The following SOX6 variants were observed in gnomAD, a reference collection of about 807,000 sequenced individuals.
SOX6 encodes the protein transcription factor SOX-6.
In SOX6, 11 loss-of-function variants were observed where a neutral mutation model predicts 97.8. The observed-to-expected ratio is 0.11, with a 90% CI of 0.07 to 0.19. The LOEUF is 0.19. Among genes scored for constraint, SOX6 ranks in the 10% least tolerant of loss-of-function variants. The pLI, the probability that SOX6 is intolerant of heterozygous loss-of-function variation, is 1.00. For synonymous variants in SOX6, 360 were observed against 371.4 expected, an observed-to-expected ratio of 0.97 and a Z score of 0.35; for missense variants, 810 against 1,039.5, an observed-to-expected ratio of 0.78 and a Z score of 3.04.
chr11:16,725,195 T>C (rs545817278), intron 2 of SOX6, among the ~76,000 whole-genome samples: 1 of 152,364 alleles, frequency 6.6e-6, no homozygotes, highest in Non-Finnish European at 1.5e-5. Flanking sequence ...AGGAATGAAG[T>C]ACTGATACAT....
intron 3 of SOX6, among the ~76,000 whole-genome samples, chr11:16,680,168 A>G (rs1309396419): frequency 6.6e-6 from 1 of 152,236 alleles, no homozygotes; most frequent in African/African-American, 2.4e-5. Flanking sequence ...CAGATTCACC[A>G]AGGTTGAAAT....
intron 4 of SOX6, among the ~76,000 whole-genome samples, chr11:16,536,331 C>T (rs546588590): frequency 4.6e-5 from 7 of 152,200 alleles, no homozygotes; most frequent in East Asian, 3.9e-4. Flanking sequence ...AAATCAAGGT[C>T]GCTTCCAAGA....
intron 3 of SOX6, among the ~76,000 whole-genome samples, chr11:16,699,849 T>A (rs900790433): frequency 6.6e-6 from 1 of 152,206 alleles, no homozygotes; most frequent in African/African-American, 2.4e-5. Flanking sequence ...TCACACAGAA[T>A]GCAAATCCTT....
intron 1 of SOX6, among the ~76,000 whole-genome samples, chr11:16,430,831 C>A (rs1859258133): frequency 6.6e-6 from 1 of 152,206 alleles, no homozygotes; most frequent in African/African-American, 2.4e-5. Context: ...AACCTTTTAA[C>A]ACGGAAGTCA....
chr11:16,047,140 AC>A (rs1485663058), intron 11 of SOX6, among the ~76,000 whole-genome samples: 1 of 152,148 alleles, frequency 6.6e-6, no homozygotes, highest in Non-Finnish European at 1.5e-5. Context: ...ATAATACAAC[AC>A]AGTCATTTCT....
Position 15,967,270 on chromosome 11 carries a change from C to T in SOX6, c.*5539G>A, listed in dbSNP as rs1853164819. The T allele has an allele frequency of 6.6e-6, 1 of 152,216 alleles. No individual in the cohort carries two copies. The highest frequency in any genetic ancestry group is 1.5e-5 in the Non-Finnish European group (1 of 68,042). The allele number at this position is 152,216 out of a possible 1,614,324, so 9.4% of individuals were successfully genotyped here. A position where few individuals can be genotyped will look rare whatever the true frequency, so the allele number is the denominator to read the frequency against. ...CCCTTAGCAATTCAAGGGCCACACC[C>T]AGTGTTGCTATAGGAACCAAAGCAC... is the stretch of plus-strand genomic sequence containing the variant. On this transcript the variant is annotated 3_prime_UTR_variant, in exon 16 of 16. Coordinates refer to ENST00000683767, the MANE Select transcript of SOX6 (RefSeq NM_001367873.1).
At chr11:16,196,830 C>CTT (rs34023402) in intron 4 of SOX6, among the ~76,000 whole-genome samples, 28 of 63,334 alleles carry the variant, frequency 4.4e-4, no homozygotes, top group Non-Finnish European at 6.1e-4. Flanking sequence ...TCTTCTTCTT[C>CTT]TTTTTTTTTT....
At chr11:16,251,586 T>C (rs1258453267) in intron 3 of SOX6, among the ~76,000 whole-genome samples, 1 of 152,100 alleles carries the variant, frequency 6.6e-6, no homozygotes, top group Non-Finnish European at 1.5e-5. Flanking sequence ...AGATATTGGA[T>C]CTATAATGTA....
chr11:16,239,872 C>T (rs1403173343), intron 3 of SOX6, among the ~76,000 whole-genome samples: 1 of 151,968 alleles, frequency 6.6e-6, no homozygotes, highest in East Asian at 1.9e-4. Context: ...CTCCATAACA[C>T]CCCTCCCCCA....
intron 9 of SOX6, among the ~76,000 whole-genome samples, chr11:16,058,779 T>C (rs1847878191): frequency 6.6e-6 from 1 of 152,014 alleles, no homozygotes; most frequent in South Asian, 2.1e-4. Flanking sequence ...ATGCCTGGTG[T>C]CCCAAGACAT....
intron 12 of SOX6, among the ~76,000 whole-genome samples, chr11:16,016,116 T>C (rs970918963): frequency 2.6e-5 from 4 of 152,080 alleles, no homozygotes; most frequent in African/African-American, 9.7e-5. Context: ...TGTTCTCTTC[T>C]GTAAGATGTT....
chr11:16,177,786 G>A (rs183688800), intron 6 of SOX6, among the ~76,000 whole-genome samples: 5 of 151,902 alleles, frequency 3.3e-5, no homozygotes, highest in Admixed American at 2.0e-4. Flanking sequence ...TCAGTATTAT[G>A]TAATGTCACA....
chr11:16,209,478 C>T (rs1022399286), intron 4 of SOX6, among the ~76,000 whole-genome samples: 4 of 152,110 alleles, frequency 2.6e-5, no homozygotes, highest in South Asian at 2.1e-4. Context: ...TTTCTGGGCC[C>T]GGCAGGGTGG....
intron 3 of SOX6, among the ~76,000 whole-genome samples, chr11:16,670,545 C>T (rs1332336093): frequency 1.3e-5 from 2 of 152,200 alleles, no homozygotes; most frequent in Admixed American, 6.5e-5. Context: ...GCTTTATTCA[C>T]ACCTCCAACA....
chr11:16,333,448 A>T (rs1856371135), intron 2 of SOX6, among the ~76,000 whole-genome samples: 1 of 152,144 alleles, frequency 6.6e-6, no homozygotes, highest in East Asian at 1.9e-4. Context: ...AAAAATTTTA[A>T]GAAGGATTTC....
chr11:16,648,716 G>C (rs1259890115), intron 3 of SOX6, among the ~76,000 whole-genome samples: 3 of 152,084 alleles, frequency 2.0e-5, no homozygotes, highest in Middle Eastern at 3.4e-3. Context: ...GACAAAATAG[G>C]GTTCTATACC....
chr11:16,310,640 C>T (rs1294551262), intron 3 of SOX6, among the ~76,000 whole-genome samples: 3 of 151,992 alleles, frequency 2.0e-5, no homozygotes, highest in African/African-American at 7.2e-5. Context: ...TATGAGTGGT[C>T]CTGGGAAACT....
chr11:16,212,274 G>A lies in SOX6; in HGVS notation c.535+22308C>T, dbSNP rs148407241. 1.2e-3 allele frequency among the ~76,000 whole-genome samples: 180 copies of A among 152,192 alleles called. 1 individual carries two copies. The highest frequency in any genetic ancestry group is 1.4e-3 in the Non-Finnish European group (96 of 68,000). The stretch of plus-strand genomic sequence containing the variant: ...AGCAGTCTCCTGTGCCTCTGAGGCA[G>A]AGCTTGCTTTTATTTTTTTAACATT... On this transcript the variant is annotated intron_variant, in intron 4 of 15. Transcript: ENST00000683767.
At chr11:16,578,669 T>A (rs1451740733) in intron 4 of SOX6, among the ~76,000 whole-genome samples, 1 of 152,110 alleles carries the variant, frequency 6.6e-6, no homozygotes, top group Non-Finnish European at 1.5e-5. Flanking sequence ...GTTCCTCTGC[T>A]TAAAATACAA....
Sources: allele counts gnomAD v4.1 joint callset (sites outside exome capture counted in the v4.1 genomes callset), GRCh38; gene constraint gnomAD v4.1.1; transcripts MANE v1.5; gene names NCBI Gene and HGNC (gene_info 2026-07-23, HGNC 2026-07-21).